Variants in NALF1 observed in about 807,000 individuals in gnomAD.
NALF1 encodes the protein NALCN channel auxiliary factor 1, also known as family with sequence similarity 155 member A.
Under a neutral mutation model 48.4 loss-of-function variants are expected in NALF1, and 3 were observed. The ratio of observed to expected loss-of-function variants is 0.06; its 90% CI spans 0.03 to 0.16. The LOEUF (loss-of-function observed/expected upper bound fraction) is 0.16, where lower values mean the gene tolerates loss of function less well. Among genes scored for constraint, NALF1 ranks in the 10% least tolerant of loss-of-function variants. The pLI is 1.00. For missense variants in NALF1, 526 were observed against 571.5 expected, an observed-to-expected ratio of 0.92 and a Z score of 0.81; for synonymous variants, 262 against 245.7, an observed-to-expected ratio of 1.07 and a Z score of -0.62.
At chr13:107,781,998 T>C (rs1877902318) in intron 1 of NALF1, among the ~76,000 whole-genome samples, 1 of 152,184 alleles carries the variant, frequency 6.6e-6, no homozygotes, top group Non-Finnish European at 1.5e-5. Flanking sequence ...TACACTTCTG[T>C]GCAATGGTTT....
At chr13:107,736,215 ACACACACACG>A (rs750563895) in intron 1 of NALF1, among the ~76,000 whole-genome samples, 8 of 7,272 alleles carry the variant, frequency 1.1e-3, no homozygotes, top group East Asian at 0.019. Flanking sequence ...ACACACACAC[ACACACACACG>A]CGCGCGTGTA....
At chr13:107,270,049 C>T (rs9587333) in intron 1 of NALF1, among the ~76,000 whole-genome samples, 4 of 150,330 alleles carry the variant, frequency 2.7e-5, no homozygotes, top group Admixed American at 2.0e-4. Context: ...GGATTACAGG[C>T]GTGAGCCACC....
At chr13:107,569,244 T>C (rs1186902549) in intron 1 of NALF1, among the ~76,000 whole-genome samples, 6 of 151,092 alleles carry the variant, frequency 4.0e-5, no homozygotes, top group South Asian at 2.1e-4. Flanking sequence ...CCGAGGCGGG[T>C]GGATCACGAG....
intron 2 of NALF1, among the ~76,000 whole-genome samples, chr13:107,180,000 T>C: frequency 6.8e-6 from 1 of 147,844 alleles, no homozygotes. Context: ...ACAAAGACTC[T>C]ATTTTCAAAT....
At chr13:107,653,835 C>A (rs1295613804) in intron 1 of NALF1, among the ~76,000 whole-genome samples, 1 of 152,022 alleles carries the variant, frequency 6.6e-6, no homozygotes, top group African/African-American at 2.4e-5. Context: ...AAAGTTTAAG[C>A]AAGTAAACTC....
At chr13:107,232,751 C>T (rs981139861) in intron 1 of NALF1, among the ~76,000 whole-genome samples, 1 of 152,208 alleles carries the variant, frequency 6.6e-6, no homozygotes, top group Non-Finnish European at 1.5e-5. Flanking sequence ...ATTCTGTGCA[C>T]AGTTCCTGGA....
intron 2 of NALF1, among the ~76,000 whole-genome samples, chr13:107,200,156 C>T (rs1879480473): frequency 6.6e-6 from 1 of 152,194 alleles, no homozygotes; most frequent in South Asian, 2.1e-4. Flanking sequence ...CCAGTGAGCA[C>T]CACAGCAGCA....
intron 1 of NALF1, among the ~76,000 whole-genome samples, chr13:107,741,015 A>G (rs1307433672): frequency 1.3e-5 from 2 of 152,260 alleles, no homozygotes; most frequent in Non-Finnish European, 2.9e-5. Flanking sequence ...TATTCAATAC[A>G]CATCACTGTG....
At chr13:107,504,125 G>A (rs1307606057) in intron 1 of NALF1, among the ~76,000 whole-genome samples, 1 of 151,766 alleles carries the variant, frequency 6.6e-6, no homozygotes, top group Non-Finnish European at 1.5e-5. Context: ...GGCGGCACGT[G>A]CCTGTAGTCC....
chr13:107,462,562 C>G (rs576775047), intron 1 of NALF1, among the ~76,000 whole-genome samples: 7 of 152,308 alleles, frequency 4.6e-5, no homozygotes, highest in South Asian at 2.1e-4. Flanking sequence ...CCCAGGCTGC[C>G]CAAGCCCTGC....
rs199807324 is a variant in NALF1, at chr13:107,399,949, C to CT, written c.916-189195dup. Among the ~76,000 whole-genome samples, 65 of 152,204 alleles carry CT rather than the reference C, an allele frequency of 4.3e-4. No homozygotes were observed. In the East Asian group the frequency reaches 0.012, roughly 28 times the overall value. ...AATAAAATCATTTCATAATAATGCT[C>CT]TTTTTAAAAGACCATAATGTTTCAT... On this transcript the variant is annotated intron_variant, in intron 1 of 2. Transcript: ENST00000375915.
chr13:107,533,408 T>C (rs114017576), intron 1 of NALF1, among the ~76,000 whole-genome samples: 2,797 of 152,166 alleles, frequency 0.018, 81 homozygotes, highest in African/African-American at 0.063. Flanking sequence ...GATAAGGCCC[T>C]TCTGAAAAGG....
intron 1 of NALF1, among the ~76,000 whole-genome samples, chr13:107,309,317 T>G (rs890691744): frequency 2.6e-5 from 4 of 152,232 alleles, no homozygotes; most frequent in Non-Finnish European, 4.4e-5. Flanking sequence ...CATTCATCTC[T>G]TCTGATTTCT....
At chr13:107,601,525 A>G (rs1878926408) in intron 1 of NALF1, among the ~76,000 whole-genome samples, 1 of 152,280 alleles carries the variant, frequency 6.6e-6, no homozygotes, top group East Asian at 1.9e-4. Flanking sequence ...TAGAATTCAC[A>G]GTTTTTATCA....
intron 1 of NALF1, among the ~76,000 whole-genome samples, chr13:107,759,543 T>C (rs1353856363): frequency 6.6e-6 from 1 of 152,172 alleles, no homozygotes; most frequent in African/African-American, 2.4e-5. Flanking sequence ...CATCTGGTTC[T>C]CTCGGGTCCA....
In NALF1 at chr13:107,278,304, G is replaced by A. The variant is rs7983999; in HGVS notation, c.916-67549C>T. The stretch of plus-strand genomic sequence containing the variant: ...GTGATCTCATGCTCTTTCATTTATC[G>A]TCTGCCAAATTAGACTTTTTAAAAA... On this transcript the variant is annotated intron_variant, in intron 1 of 2. Transcript: ENST00000375915. 1.8e-3 allele frequency among the ~76,000 whole-genome samples: 280 copies of A among 152,086 alleles called. 1 individual carries two copies. Among genetic ancestry groups the A allele is most frequent in the African/African-American group, 6.2e-3 (259 of 41,458 alleles).
chr13:107,599,748 G>A (rs1168136442), intron 1 of NALF1, among the ~76,000 whole-genome samples: 4 of 152,072 alleles, frequency 2.6e-5, no homozygotes, highest in Non-Finnish European at 2.9e-5. Context: ...GGGATAAGAA[G>A]CTAAAAATAT....
In NALF1 at chr13:107,351,441, G is replaced by A. The variant is rs78973616; in HGVS notation, c.916-140686C>T. 1.6e-4 allele frequency among the ~76,000 whole-genome samples: 25 copies of A among 152,210 alleles called. No homozygotes were observed. In the East Asian group the frequency reaches 4.6e-3, roughly 28 times the overall value. On this transcript the variant is annotated intron_variant, in intron 1 of 2. Coordinates refer to ENST00000375915, the MANE Select transcript of NALF1 (RefSeq NM_001080396.3). ...CTTTCTCCCCTTTCTCATCCTTCAC[G>A]CATCTCCTGCTTTGATAAGGCTTAT... is the stretch of plus-strand genomic sequence containing the variant.
intron 1 of NALF1, among the ~76,000 whole-genome samples, chr13:107,767,521 T>C (rs571663840): frequency 6.6e-6 from 1 of 152,336 alleles, no homozygotes; most frequent in South Asian, 2.1e-4. Flanking sequence ...CAGGTCTACA[T>C]GTAAATTAGA....
Sources: gnomAD v4.1 joint callset for allele counts (sites outside exome capture counted in the v4.1 genomes callset) on GRCh38, gnomAD v4.1.1 for gene constraint, MANE v1.5 for transcripts, NCBI Gene and HGNC (gene_info 2026-07-23, HGNC 2026-07-21) for gene names.